SMAP1: variants seen among roughly 807,000 people sequenced by gnomAD.
SMAP1 encodes the protein small ArfGAP 1, also known as stromal membrane-associated protein 1.
SMAP1 carries 24 observed loss-of-function variants against 58.5 expected under a neutral mutation model. The ratio of observed to expected loss-of-function variants is 0.41; its 90% confidence interval spans 0.30 to 0.58. SMAP1 has a LOEUF of 0.58. Ranked by LOEUF, SMAP1 falls within the 20% of genes least tolerant of loss-of-function variation. SMAP1 has a pLI of 0.29. For synonymous variants in SMAP1, 216 were observed against 196.6 expected (o/e 1.10, Z -0.82); for missense variants, 563 against 566.3 (o/e 0.99, Z 0.06).
At chr6:70,813,396 A>G (rs1769474738) in intron 6 of SMAP1, among the ~76,000 whole-genome samples, 1 of 152,178 alleles carries the variant, frequency 6.6e-6, no homozygotes. Flanking sequence ...CTTAAGTTAT[A>G]CAAATATATT....
intron 1 of SMAP1, among the ~76,000 whole-genome samples, chr6:70,706,241 C>T (rs1767832208): frequency 6.6e-6 from 1 of 151,998 alleles, no homozygotes; most frequent in Admixed American, 6.6e-5. Flanking sequence ...GTTTATTGCT[C>T]TGGTTTTTGT....
chr6:70,831,212 C>T (rs951011078), intron 6 of SMAP1, among the ~76,000 whole-genome samples: 16 of 152,060 alleles, frequency 1.1e-4, no homozygotes, highest in Admixed American at 8.5e-4. Context: ...TATTAGGCAT[C>T]CTAGCAGTGG....
At chr6:70,803,063 A>G (rs1048963336) in intron 6 of SMAP1, among the ~76,000 whole-genome samples, 1 of 152,282 alleles carries the variant, frequency 6.6e-6, no homozygotes, top group South Asian at 2.1e-4. Context: ...ATTGATTGGA[A>G]TAGTTTCAGA....
intron 6 of SMAP1, among the ~76,000 whole-genome samples, chr6:70,808,902 C>CTGTGTG (rs35577736): frequency 0.054 from 7,789 of 144,656 alleles, 324 homozygotes; most frequent in East Asian, 0.17. Flanking sequence ...GGCTGTTTCC[C>CTGTGTG]TGTGTGTGTG....
At chr6:70,802,868 G>A (rs1768925752) in intron 6 of SMAP1, among the ~76,000 whole-genome samples, 1 of 116,710 alleles carries the variant, frequency 8.6e-6, no homozygotes, top group Non-Finnish European at 2.0e-5. Context: ...ACTTGATCGT[G>A]GTGGATAAGC....
At chr6:70,683,906 A>G (rs774690504) in intron 1 of SMAP1, among the ~76,000 whole-genome samples, 80 of 152,226 alleles carry the variant, frequency 5.3e-4, no homozygotes, top group Non-Finnish European at 1.0e-3. Context: ...TCTGTCTGTT[A>G]CTTTGTCAGG....
rs1768714071 is a variant in SMAP1, at chr6:70,798,677, G to GGAA, written c.519_521dup (p.Glu174dup). The GGAA allele has an allele frequency of 1.3e-6, 2 of 1,532,834 alleles. No individual in the cohort carries two copies. The highest frequency in any genetic ancestry group is 1.8e-6 in the Non-Finnish European group (2 of 1,141,062). The allele number at this position is 1,532,834 out of a possible 1,614,324, so 95.0% of individuals were successfully genotyped here. On this transcript the variant is annotated inframe_insertion, in exon 6 of 11. Transcript: ENST00000370455. ...TTTAGAAAGAAAAGGAAAAAAAAAA[G>GGAA]GAAGAGAAAAAGAGAGAAAAGGAGC...
chr6:70,773,222 G>A (rs1767401080), intron 3 of SMAP1, 128 bp from the exon 4 acceptor site: 1 of 588,958 alleles, frequency 1.7e-6, no homozygotes, highest in Non-Finnish European at 3.0e-6. Flanking sequence ...CAGAAATAAT[G>A]TGAAAGAGAG....
chr6:70,704,129 C>G (rs1210791106), intron 1 of SMAP1, among the ~76,000 whole-genome samples: 1 of 152,122 alleles, frequency 6.6e-6, no homozygotes, highest in Non-Finnish European at 1.5e-5. Context: ...CCCCTTGTTT[C>G]TTTTTATTGA....
At chr6:70,776,065 T>A (rs775257349) in intron 4 of SMAP1, among the ~76,000 whole-genome samples, 26 of 152,164 alleles carry the variant, frequency 1.7e-4, no homozygotes, top group Non-Finnish European at 3.2e-4. Context: ...TTAGAGACAT[T>A]TATCACAGTG....
intron 4 of SMAP1, among the ~76,000 whole-genome samples, chr6:70,784,290 C>T (rs1437369355): frequency 6.6e-6 from 1 of 152,048 alleles, no homozygotes; most frequent in Admixed American, 6.5e-5. Context: ...CCTAAGAGAG[C>T]TCCTGAAGGA....
Position 70,693,592 on chromosome 6 carries a change from G to A in SMAP1, c.118+25451G>A, listed in dbSNP as rs150947101. 1.9e-3 allele frequency among the ~76,000 whole-genome samples: 289 copies of A among 152,210 alleles called. 11 individuals carry two copies. The East Asian group carries it at 0.04, about 21-fold the overall frequency. On this transcript the variant is annotated intron_variant, in intron 1 of 10. Coordinates refer to ENST00000370455, the MANE Select transcript of SMAP1 (RefSeq NM_001044305.3). ...GCTGGGATTACAGGCATGAGCCACC[G>A]TGCCTGGCCATCATTGTATTTTAAT... is the stretch of plus-strand genomic sequence containing the variant.
chr6:70,701,001 T>C (rs938578966), intron 1 of SMAP1, among the ~76,000 whole-genome samples: 6 of 152,116 alleles, frequency 3.9e-5, no homozygotes, highest in Non-Finnish European at 8.8e-5. Context: ...TGAACTGATA[T>C]CCAAGTTGCA....
At chr6:70,797,881 C>CT (rs1025404499) in intron 5 of SMAP1, among the ~76,000 whole-genome samples, 25 of 152,180 alleles carry the variant, frequency 1.6e-4, no homozygotes, top group African/African-American at 5.8e-4. Context: ...CTAGTCATCT[C>CT]TTTCCTCTAA....
intron 4 of SMAP1, among the ~76,000 whole-genome samples, chr6:70,784,482 G>C (rs1767912285): frequency 6.6e-6 from 1 of 152,172 alleles, no homozygotes. Context: ...TGGGCTAAAT[G>C]CTCCAATTAA....
At position 70,837,030 on chromosome 6, in the gene SMAP1, TA is replaced by T; in HGVS notation, c.664+4del. On this transcript the variant is annotated splice_donor_region_variant and intron_variant, in intron 7 of 10. Coordinates refer to ENST00000370455, the MANE Select transcript of SMAP1 (RefSeq NM_001044305.3). ...CCACTGTGGATCTTTTAGGACTTGGTAAGTAATAAAAAATAAAAGTCACTGC... is the reference window on the plus strand; with the variant it reads ...CCACTGTGGATCTTTTAGGACTTGGTAGTAATAAAAAATAAAAGTCACTGC... 6.4e-7 allele frequency: 1 copy of T among 1,568,790 alleles called. No individual in the cohort carries two copies.
intron 6 of SMAP1, among the ~76,000 whole-genome samples, chr6:70,802,202 T>TG (rs1428744683): frequency 6.6e-6 from 1 of 152,226 alleles, no homozygotes; most frequent in East Asian, 1.9e-4. Context: ...GAGCAGTGGT[T>TG]TGTAGTTCTC....
intron 1 of SMAP1, among the ~76,000 whole-genome samples, chr6:70,687,325 C>T (rs555132898): frequency 6.6e-6 from 1 of 152,176 alleles, no homozygotes; most frequent in South Asian, 2.1e-4. Flanking sequence ...AGCAGTTTCT[C>T]AAAAAACAAT....
chr6:70,706,690 T>C (rs958359534), intron 1 of SMAP1, among the ~76,000 whole-genome samples: 3 of 152,192 alleles, frequency 2.0e-5, no homozygotes, highest in Non-Finnish European at 4.4e-5. Flanking sequence ...TGAAAAAATA[T>C]ATTAAACTTT....
Sources: gnomAD v4.1 joint callset for allele counts (sites outside exome capture counted in the v4.1 genomes callset) on GRCh38, gnomAD v4.1.1 for gene constraint, MANE v1.5 for transcripts, NCBI Gene and HGNC (gene_info 2026-07-23, HGNC 2026-07-21) for gene names.